Variants in NOTCH1 observed in about 807,000 individuals in gnomAD.
NOTCH1 encodes the protein neurogenic locus notch homolog protein 1.
NOTCH1 carries 37 observed loss-of-function variants against 254.8 expected under a neutral mutation model. The observed-to-expected ratio is 0.15, with a 90% CI of 0.11 to 0.19. NOTCH1 has a LOEUF of 0.19. NOTCH1 is among the 10% of genes least tolerant of loss of function. The probability of loss-of-function intolerance (pLI) is 1.00; values close to 1 mark genes in which losing one functional copy is unlikely to be tolerated. For missense variants in NOTCH1, 2,972 were observed against 3,708.6 expected, an observed-to-expected ratio of 0.80 and a Z score of 5.16; for synonymous variants, 1,731 against 1,618.1, an observed-to-expected ratio of 1.07 and a Z score of -1.68.
intron 26 of NOTCH1, among the ~76,000 whole-genome samples, chr9:136,503,875 G>A (rs1589057686): frequency 1.3e-5 from 2 of 152,260 alleles, no homozygotes; most frequent in African/African-American, 4.8e-5. Flanking sequence ...AAACCCACCA[G>A]GGTCAGGCAC....
At chr9:136,533,792 G>A (rs1274719933) in intron 2 of NOTCH1, among the ~76,000 whole-genome samples, 2 of 152,272 alleles carry the variant, frequency 1.3e-5, no homozygotes, top group African/African-American at 4.8e-5. Context: ...CCTCCTACTA[G>A]GGCATCTGTC....
intron 30 of NOTCH1, among the ~76,000 whole-genome samples, chr9:136,501,457 A>AG (rs1428398889): frequency 1.3e-5 from 2 of 151,516 alleles, no homozygotes; most frequent in Non-Finnish European, 1.5e-5. Context: ...AAAGAAAAAA[A>AG]AAAAGAAAAA....
At chr9:136,529,350 G>T (rs1843522540) in intron 2 of NOTCH1, among the ~76,000 whole-genome samples, 1 of 152,228 alleles carries the variant, frequency 6.6e-6, no homozygotes, top group African/African-American at 2.4e-5. Flanking sequence ...TTCTGGGGCA[G>T]GGGGAGTCCT....
chr9:136,499,408 G>A (rs1589054760), intron 31 of NOTCH1, 149 bp from the exon 32 acceptor site: 12 of 1,204,618 alleles, frequency 1.0e-5, no homozygotes, highest in Admixed American at 4.2e-5. Flanking sequence ...AAGACGAAAC[G>A]CCATGGGGCT....
At position 136,525,281 on chromosome 9, in the gene NOTCH1, C is replaced by T. The variant is rs574733605; in HGVS notation, c.141-1302G>A. Among the ~76,000 whole-genome samples, 32 of 152,326 alleles carry T rather than the reference C, an allele frequency of 2.1e-4. No individual in the cohort carries two copies. In the East Asian group the frequency reaches 3.1e-3, roughly 15 times the overall value. ...CCAGGGGAGGGGTCCTGCATCTCCA[C>T]CCAGGCCTGGTCTCACCTGTTCCCT... On this transcript the variant is annotated intron_variant, in intron 2 of 33. Coordinates refer to ENST00000651671, the MANE Select transcript of NOTCH1 (RefSeq NM_017617.5).
rs766780122 is a variant in NOTCH1 at position 136,505,108 on chromosome 9, T to TG, written c.4587-5dup. The TG allele has an allele frequency of 2.5e-5, 40 of 1,607,212 alleles. 1 individual carries two copies. In the Middle Eastern group the frequency reaches 6.9e-4, roughly 28 times the overall value. Reference sequence around the variant, plus strand: ...GCAGTACTGGTCGTACAGGGGGCTGTGGGGGGCGGGACACGCTCAGGCCGC... The same window carrying TG: ...GCAGTACTGGTCGTACAGGGGGCTGTGGGGGGGCGGGACACGCTCAGGCCGC... On this transcript the variant is annotated splice_region_variant and splice_polypyrimidine_tract_variant and intron_variant, in intron 25 of 33. Coordinates refer to ENST00000651671, the MANE Select transcript of NOTCH1 (RefSeq NM_017617.5).
At position 136,496,352 on chromosome 9, in the gene NOTCH1, C is replaced by A. The variant is rs537210445; in HGVS notation, c.7387G>T (p.Ala2463Ser). 6.3e-7 allele frequency: 1 copy of A among 1,592,628 alleles called. No homozygotes were observed. The highest frequency in any genetic ancestry group is 8.5e-7 in the Non-Finnish European group (1 of 1,172,782). Reference sequence around the variant, plus strand: ...GAGGATGGCAGCGACGTGGGCAGGGCGGGGCTCTCCTGGGGCAGAATAGTG... The same window carrying A: ...GAGGATGGCAGCGACGTGGGCAGGGAGGGGCTCTCCTGGGGCAGAATAGTG... ...VHTILPQESP[A>S]LPTSLPSSLV... The change falls in exon 34 of 34, where the codon GCC (alanine) becomes TCC (serine). Residue 2463 changes from alanine (A) to serine (S), a missense_variant. Transcript: ENST00000651671.
At chr9:136,531,364 G>A (rs1318858554) in intron 2 of NOTCH1, among the ~76,000 whole-genome samples, 5 of 152,210 alleles carry the variant, frequency 3.3e-5, no homozygotes, top group Non-Finnish European at 7.3e-5. Context: ...ACCAGAGCGG[G>A]GCAGGGCAAG....
In NOTCH1 at chr9:136,540,887, C is replaced by T. The variant is rs891626330; in HGVS notation, c.140+3137G>A. On this transcript the variant is annotated intron_variant, in intron 2 of 33. Coordinates refer to ENST00000651671, the MANE Select transcript of NOTCH1 (RefSeq NM_017617.5). The surrounding 1 kb of genome is among the most constrained non-coding windows in gnomAD (Gnocchi z 4.4). The stretch of plus-strand genomic sequence containing the variant: ...CCCCTGCCTCAACGCCCAGCCCAGA[C>T]GCAGGCAGCCCTGGGAGAGCGTTTC... 5.3e-5 allele frequency among the ~76,000 whole-genome samples: 8 copies of T among 152,178 alleles called. No homozygotes were observed. The highest frequency in any genetic ancestry group is 4.6e-4 in the Admixed American group (7 of 15,286).
Position 136,510,580 on chromosome 9 carries a change from C to A in NOTCH1, c.2740+73G>T, listed in dbSNP as rs550806624. On this transcript the variant is annotated intron_variant, in intron 17 of 33. Coordinates refer to ENST00000651671, the MANE Select transcript of NOTCH1 (RefSeq NM_017617.5). ...CTGGGTGCTTATGGCCAGCACCATG[C>A]GCACCAACCCTGCCCGGGGGAACTG... 5.5e-4 allele frequency: 839 copies of A among 1,536,448 alleles called. 1 individual carries two copies. In the African/African-American group the frequency reaches 0.011, roughly 19 times the overall value.
chr9:136,537,479 T>C (rs1843673336), intron 2 of NOTCH1, among the ~76,000 whole-genome samples: 1 of 152,104 alleles, frequency 6.6e-6, no homozygotes, highest in African/African-American at 2.4e-5. Context: ...AGTGACAGTA[T>C]TTGGGTACAG....
At chr9:136,544,213 C>T (rs1843777664) in intron 1 of NOTCH1, 111 bp from the exon 2 acceptor site, 4 of 1,009,272 alleles carry the variant, frequency 4.0e-6, no homozygotes, top group Non-Finnish European at 4.6e-6. Context: ...ATCGTCCGCC[C>T]CCTACCCCGG....
chr9:136,527,843 G>A (rs1001615977), intron 2 of NOTCH1, among the ~76,000 whole-genome samples: 3 of 152,154 alleles, frequency 2.0e-5, no homozygotes, highest in South Asian at 4.1e-4. Context: ...GGGCTGCGGG[G>A]GGAGGGTGCC....
intron 27 of NOTCH1, chr9:136,502,918 T>G: frequency 1.5e-6 from 1 of 667,694 alleles, no homozygotes; most frequent in Non-Finnish European, 2.8e-6. Flanking sequence ...ACAAAGAAAA[T>G]TCAGGAGGAA....
At position 136,517,932 on chromosome 9, in the gene NOTCH1, T is replaced by G; in HGVS notation, c.1261A>C (p.Asn421His). 1 of 1,610,008 alleles carries G rather than the reference T, an allele frequency of 6.2e-7. No individual in the cohort carries two copies. ...QDVDECSLGANPCEHAGKCIN... is the reference protein window; with the variant it reads ...QDVDECSLGAHPCEHAGKCIN... ...CACTTGCCCGCATGCTCGCAGGGGT[T>G]GGCACCTGGCGAGGGCACACGGGTG... The change falls in exon 8 of 34, where the codon AAC becomes CAC. Residue 421 changes from asparagine (N) to histidine (H), a missense_variant. Physicochemically the swap from Asn to His is moderately conservative, Grantham distance 68 (BLOSUM62 1). Around this residue, in one of 8 missense-constraint regions of NOTCH1, gnomAD observed 90 missense variants for 183.6 expected, o/e 0.49. Transcript: ENST00000651671.
chr9:136,517,566 G>A (rs975607451), intron 8 of NOTCH1, among the ~76,000 whole-genome samples, 181 bp from the exon 9 acceptor site: 2 of 152,138 alleles, frequency 1.3e-5, no homozygotes, highest in African/African-American at 4.8e-5. Flanking sequence ...CATCTGCCTA[G>A]CACTGCCCCC....
At position 136,518,126 on chromosome 9, in the gene NOTCH1, C is replaced by A; in HGVS notation, c.1255+11G>T. ...CCCCCACCTGGCCGCACCCCCTGTG[C>A]TGGCACCTACCCAGCGAGCACTCAT... On this transcript the variant is annotated intron_variant, in intron 7 of 33. Transcript: ENST00000651671. 1 of 1,579,814 alleles carries A rather than the reference C, an allele frequency of 6.3e-7. No individual in the cohort carries two copies. Among genetic ancestry groups the A allele is most frequent in the East Asian group, 2.3e-5 (1 of 43,082 alleles).
At chr9:136,524,517 A>G (rs1253893149) in intron 2 of NOTCH1, among the ~76,000 whole-genome samples, 2 of 152,328 alleles carry the variant, frequency 1.3e-5, no homozygotes, top group Non-Finnish European at 2.9e-5. Context: ...GCTAAAGCGA[A>G]CAGGCATTGC....
chr9:136,515,941 C>A (rs760506299), intron 10 of NOTCH1, 40 bp downstream of exon 10: 1 of 1,520,068 alleles, frequency 6.6e-7, no homozygotes. Flanking sequence ...TGCCCTGTCC[C>A]GTCCCCAGTC....
Sources: gnomAD v4.1 joint callset for allele counts (sites outside exome capture counted in the v4.1 genomes callset) on GRCh38, gnomAD v4.1.1 for gene constraint, gnomAD v4.1.1 regional missense constraint, Gnocchi (gnomAD v3.1) non-coding constraint, MANE v1.5 for transcripts, NCBI Gene and HGNC (gene_info 2026-07-23, HGNC 2026-07-21) for gene names.